Variants in CACNG3 observed in about 807,000 individuals in gnomAD.
CACNG3 encodes voltage-dependent calcium channel gamma-3 subunit.
CACNG3 carries 3 observed loss-of-function variants against 28.5 expected under a neutral mutation model. The ratio of observed to expected loss-of-function variants is 0.11; its 90% CI spans 0.05 to 0.27. The LOEUF (loss-of-function observed/expected upper bound fraction) is 0.27, where lower values mean the gene tolerates loss of function less well. Ranked by LOEUF, CACNG3 falls within the 10% of genes least tolerant of loss-of-function variation. The pLI is 1.00. For missense variants in CACNG3, 236 were observed against 414.4 expected (o/e 0.57, Z 3.74); for synonymous variants, 174 against 162.2 (o/e 1.07, Z -0.55).
At chr16:24,321,836 CTG>C (rs1162901591) in intron 1 of CACNG3, among the ~76,000 whole-genome samples, 3 of 152,102 alleles carry the variant, frequency 2.0e-5, no homozygotes, top group Non-Finnish European at 4.4e-5. Flanking sequence ...TATAATTGTG[CTG>C]TTTTATTAAT....
At chr16:24,280,486 GA>G (rs1307349883) in intron 1 of CACNG3, among the ~76,000 whole-genome samples, 2 of 152,154 alleles carry the variant, frequency 1.3e-5, no homozygotes, top group Non-Finnish European at 2.9e-5. Context: ...GTTTGGGGAT[GA>G]AAAATGTACT....
chr16:24,355,130 C>G (rs1900012324), intron 3 of CACNG3, among the ~76,000 whole-genome samples, 157 bp downstream of exon 3: 1 of 151,610 alleles, frequency 6.6e-6, no homozygotes, highest in African/African-American at 2.4e-5. Context: ...TCCATTAGAA[C>G]CAAAGATGCC....
chr16:24,312,983 AAAAG>A (rs563788036), intron 1 of CACNG3, among the ~76,000 whole-genome samples: 4,764 of 145,644 alleles, frequency 0.033, 125 homozygotes, highest in African/African-American at 0.062. Context: ...AGAAAGAAAT[AAAAG>A]AAAGAAAGAA....
chr16:24,362,095 T>C lies in CACNG3; in HGVS notation c.*232T>C, dbSNP rs1279064223. 4.6e-6 allele frequency: 2 copies of C among 434,050 alleles called. No homozygotes were observed. The highest frequency in any genetic ancestry group is 2.0e-5 in the African/African-American group (1 of 50,514). The allele number at this position is 434,050 out of a possible 1,614,324, so 26.9% of individuals were successfully genotyped here. A position where few individuals can be genotyped will look rare whatever the true frequency, so the allele number is the denominator to read the frequency against. ...AATGTCATTCCTCTCTCTGTGTATC[T>C]GTGCCAGATGTTTTCCTTTCTTCCT... is the stretch of plus-strand genomic sequence containing the variant. On this transcript the variant is annotated 3_prime_UTR_variant, in exon 4 of 4. Transcript: ENST00000005284.
chr16:24,264,124 G>A (rs532432926), intron 1 of CACNG3, among the ~76,000 whole-genome samples: 2 of 152,364 alleles, frequency 1.3e-5, no homozygotes, highest in Admixed American at 6.5e-5. Flanking sequence ...TGCCACCCTT[G>A]TGTTCATATC....
intron 1 of CACNG3, among the ~76,000 whole-genome samples, chr16:24,315,996 AT>A (rs199978449): frequency 0.018 from 2,807 of 152,204 alleles, 36 homozygotes; most frequent in Non-Finnish European, 0.03. Context: ...AGCATGTACT[AT>A]GTGCCAGGCA....
At position 24,361,479 on chromosome 16, in the gene CACNG3, C is replaced by T. The variant is rs867799411; in HGVS notation, c.564C>T (p.Ile188=). Residue 188 remains isoleucine (I), a synonymous_variant, in exon 4 of 4, where the codon ATC becomes ATT. Coordinates refer to ENST00000005284, the MANE Select transcript of CACNG3 (RefSeq NM_006539.4). This position sits in a 1 kb window ranked among gnomAD's most constrained non-coding sequence, Gnocchi z 6.8. ...SFYFGAFSFI[I]AEIVGVVAVH... is the part of the protein sequence containing the mutation. ...ATTTCGGAGCCTTCTCTTTCATCATCGCAGAAATTGTAGGAGTGGTTGCCG... is the reference window on the plus strand; with the variant it reads ...ATTTCGGAGCCTTCTCTTTCATCATTGCAGAAATTGTAGGAGTGGTTGCCG... 1 of 1,614,020 alleles carries T rather than the reference C, an allele frequency of 6.2e-7. No individual in the cohort carries two copies. The highest frequency in any genetic ancestry group is 1.3e-5 in the African/African-American group (1 of 74,894).
At chr16:24,296,610 C>G (rs755136511) in intron 1 of CACNG3, among the ~76,000 whole-genome samples, 1 of 152,190 alleles carries the variant, frequency 6.6e-6, no homozygotes, top group South Asian at 2.1e-4. Flanking sequence ...TTTCTTCCCC[C>G]TCTTCTCTTA....
At chr16:24,279,640 G>A (rs190545695) in intron 1 of CACNG3, among the ~76,000 whole-genome samples, 5 of 152,290 alleles carry the variant, frequency 3.3e-5, no homozygotes, top group Admixed American at 6.5e-5. Context: ...AGACATTAAT[G>A]CAATAATCCC....
At chr16:24,352,257 G>C (rs1449364961) in intron 2 of CACNG3, among the ~76,000 whole-genome samples, 1 of 152,104 alleles carries the variant, frequency 6.6e-6, no homozygotes, top group African/African-American at 2.4e-5. Flanking sequence ...TGAACACTGA[G>C]CAATGTGAAC....
intron 2 of CACNG3, among the ~76,000 whole-genome samples, chr16:24,348,776 G>A (rs963229395): frequency 6.6e-5 from 10 of 152,170 alleles, no homozygotes; most frequent in Admixed American, 2.6e-4. Context: ...TTTTACCAGA[G>A]TGCCCATAGA....
chr16:24,335,556 T>C (rs1463965801), intron 1 of CACNG3, among the ~76,000 whole-genome samples: 1 of 152,236 alleles, frequency 6.6e-6, no homozygotes, highest in Non-Finnish European at 1.5e-5. Context: ...TTCCTACTGT[T>C]ATTCTCAGCT....
chr16:24,273,648 G>A (rs1898716889), intron 1 of CACNG3, among the ~76,000 whole-genome samples: 1 of 152,136 alleles, frequency 6.6e-6, no homozygotes, highest in African/African-American at 2.4e-5. Context: ...GTGAAGCTGA[G>A]TCATTTTCTG....
chr16:24,277,974 C>CA (rs1483621382), intron 1 of CACNG3, among the ~76,000 whole-genome samples: 1 of 152,154 alleles, frequency 6.6e-6, no homozygotes, highest in African/African-American at 2.4e-5. Context: ...CTTGGACTCC[C>CA]AAAGTGCTGG....
At chr16:24,304,709 C>T (rs192739342) in intron 1 of CACNG3, among the ~76,000 whole-genome samples, 288 of 152,264 alleles carry the variant, frequency 1.9e-3, no homozygotes, top group African/African-American at 6.7e-3. Flanking sequence ...TACAGGTACA[C>T]GCCACCATGC....
intron 1 of CACNG3, among the ~76,000 whole-genome samples, chr16:24,312,959 A>AAGAGAGAG (rs770273555): frequency 1.6e-4 from 22 of 139,740 alleles, no homozygotes; most frequent in South Asian, 9.3e-4. Flanking sequence ...AAGAAAGAGA[A>AAGAGAGAG]AGAAAGAAAA....
chr16:24,272,172 C>T lies in CACNG3; in HGVS notation c.211+15207C>T, dbSNP rs892148972. ...ATATTTTATTGTTATTATATTCTTT[C>T]GAGTGGTATATTTTTCCTATTGTAT... On this transcript the variant is annotated intron_variant, in intron 1 of 3. Coordinates refer to ENST00000005284, the MANE Select transcript of CACNG3 (RefSeq NM_006539.4). Among the ~76,000 whole-genome samples, 9 of 149,958 alleles carry T rather than the reference C, an allele frequency of 6.0e-5. No homozygotes were observed. In the South Asian group the frequency reaches 1.3e-3, roughly 21 times the overall value.
chr16:24,303,633 G>A lies in CACNG3; in HGVS notation c.212-43101G>A, dbSNP rs1027838114. 8.6e-5 allele frequency among the ~76,000 whole-genome samples: 13 copies of A among 151,430 alleles called. No homozygotes were observed. The East Asian group carries it at 1.6e-3, about 18-fold the overall frequency. On this transcript the variant is annotated intron_variant, in intron 1 of 3. Coordinates refer to ENST00000005284, the MANE Select transcript of CACNG3 (RefSeq NM_006539.4). ...TTACCTTGTTTCTGTATTTGCTTGC[G>A]AAGTGGTTGGTTTCCTTCACCAGAA...
chr16:24,349,515 G>A (rs1410648010), intron 2 of CACNG3, among the ~76,000 whole-genome samples: 2 of 152,204 alleles, frequency 1.3e-5, no homozygotes, highest in African/African-American at 2.4e-5. Context: ...CCAGGAAAGG[G>A]GTAGGCGATT....
Sources: allele counts gnomAD v4.1 joint callset (sites outside exome capture counted in the v4.1 genomes callset), GRCh38; gene constraint gnomAD v4.1.1; non-coding constraint Gnocchi (gnomAD v3.1); transcripts MANE v1.5; gene names NCBI Gene and HGNC (gene_info 2026-07-23, HGNC 2026-07-21).